The following LSS variants were observed in gnomAD, a reference collection of about 807,000 sequenced individuals.
The protein encoded by LSS is lanosterol synthase.
Under a neutral mutation model 110.3 loss-of-function variants are expected in LSS, and 90 were observed. The ratio of observed to expected loss-of-function variants is 0.82; its 90% confidence interval spans 0.69 to 0.97. The LOEUF (loss-of-function observed/expected upper bound fraction) is 0.97, where lower values mean the gene tolerates loss of function less well. LSS is among the 50% of genes least tolerant of loss of function. The pLI is 0.00. For missense variants in LSS, 927 were observed against 990.0 expected (o/e 0.94, Z 0.85); for synonymous variants, 433 against 400.0 (o/e 1.08, Z -0.98).
At chr21:46,192,871 A>C (rs766981750) in intron 20 of LSS, 1 of 362,372 alleles carries the variant, frequency 2.8e-6, no homozygotes, top group Non-Finnish European at 5.4e-6. Context: ...GCATCTGCAT[A>C]TGTGTGCACA....
chr21:46,192,590 A>G (rs376570991), intron 20 of LSS: 137 of 307,198 alleles, frequency 4.5e-4, no homozygotes, highest in Middle Eastern at 2.3e-3. Context: ...GTCTCCATGT[A>G]CGTATGTCTG....
chr21:46,197,876 C>T (rs1459470130), intron 17 of LSS, among the ~76,000 whole-genome samples: 2 of 150,486 alleles, frequency 1.3e-5, no homozygotes, highest in Non-Finnish European at 3.0e-5. Context: ...GAGACAGAGA[C>T]TCTGTCTCAA....
In LSS at chr21:46,213,764, A is replaced by G. The variant is rs1422520728; in HGVS notation, c.1083T>C (p.His361=). ...AGAGATAGTCCGGGATTCTGGAGAC[A>G]TGCTCCTGGAAGGCAGTGGAGGCGG... ...DGPASTAFQE[H]VSRIPDYLWM... The change falls in exon 10 of 22, where the codon CAT becomes CAC. Residue 361 remains histidine, a synonymous_variant. Coordinates refer to ENST00000397728, the MANE Select transcript of LSS (RefSeq NM_002340.6). 3 of 1,614,052 alleles carry G rather than the reference A, an allele frequency of 1.9e-6. No homozygotes were observed. Among genetic ancestry groups the G allele is most frequent in the East Asian group, 2.2e-5 (1 of 44,882 alleles).
At chr21:46,219,036 TC>T (rs1402233466) in intron 6 of LSS, among the ~76,000 whole-genome samples, 1 of 152,178 alleles carries the variant, frequency 6.6e-6, no homozygotes, top group Non-Finnish European at 1.5e-5. Flanking sequence ...CAGACACTGA[TC>T]TTTTAAAGGC....
chr21:46,208,980 G>C (rs78155037), intron 13 of LSS, among the ~76,000 whole-genome samples: 6,826 of 152,306 alleles, frequency 0.045, 218 homozygotes, highest in Non-Finnish European at 0.068. Context: ...CACTGGCTGA[G>C]GCCGTGGCCG....
At chr21:46,220,872 G>A (rs1462438461) in intron 5 of LSS, among the ~76,000 whole-genome samples, 1 of 150,600 alleles carries the variant, frequency 6.6e-6, no homozygotes, top group African/African-American at 2.4e-5. Flanking sequence ...GCCAGGGCTT[G>A]GAGAGAAAGA....
At position 46,195,773 on chromosome 21, in the gene LSS, A is replaced by G. The variant is rs777709261; in HGVS notation, c.1737-17T>C. The G allele has an allele frequency of 6.2e-7, 1 of 1,607,000 alleles. No individual in the cohort carries two copies. Among genetic ancestry groups the G allele is most frequent in the South Asian group, 1.1e-5 (1 of 90,920 alleles). On this transcript the variant is annotated splice_polypyrimidine_tract_variant and intron_variant, in intron 18 of 21. Coordinates refer to ENST00000397728, the MANE Select transcript of LSS (RefSeq NM_002340.6). ...CCCCAGGAGCTGGAGGGAAACAGGGAGAGCCTCAGCCCTTCCACCCTGTTC... is the reference window on the plus strand; with the variant it reads ...CCCCAGGAGCTGGAGGGAAACAGGGGGAGCCTCAGCCCTTCCACCCTGTTC...
At chr21:46,220,364 A>C (rs890134936) in intron 5 of LSS, 1 of 152,392 alleles carries the variant, frequency 6.6e-6, no homozygotes, top group South Asian at 2.1e-4. Flanking sequence ...CCAAGAAAGA[A>C]GGCAGGATCT....
intron 18 of LSS, 66 bp from the exon 19 acceptor site, chr21:46,195,822 G>T: frequency 1.5e-6 from 2 of 1,336,566 alleles, no homozygotes; most frequent in Non-Finnish European, 2.1e-6. Flanking sequence ...GAAACAACAC[G>T]CATTCTGCAA....
At chr21:46,205,156 G>C (rs978196991) in intron 17 of LSS, among the ~76,000 whole-genome samples, 1 of 152,204 alleles carries the variant, frequency 6.6e-6, no homozygotes, top group Non-Finnish European at 1.5e-5. Flanking sequence ...GTTCACAGTA[G>C]ATGCTTCATA....
intron 3 of LSS, among the ~76,000 whole-genome samples, chr21:46,223,880 C>T (rs972757100): frequency 2.6e-5 from 4 of 152,070 alleles, no homozygotes; most frequent in Non-Finnish European, 4.4e-5. Flanking sequence ...CTAGCGGTAG[C>T]GAAAAGTGTC....
At chr21:46,194,195 G>A (rs1393402257) in intron 20 of LSS, among the ~76,000 whole-genome samples, 1 of 152,176 alleles carries the variant, frequency 6.6e-6, no homozygotes. Context: ...AGCCCACCTC[G>A]CTGTTTCCAT....
intron 4 of LSS, 36 bp from the exon 5 acceptor site, chr21:46,222,011 T>C: frequency 6.2e-7 from 1 of 1,604,228 alleles, no homozygotes; most frequent in Middle Eastern, 1.7e-4. Flanking sequence ...AACCGGTATC[T>C]GTCCTTACTT....
Position 46,210,700 on chromosome 21 carries a change from C to T in LSS, c.1182G>A (p.Gln394=), listed in dbSNP as rs2080118094. 4 of 1,614,050 alleles carry T rather than the reference C, an allele frequency of 2.5e-6. No homozygotes were observed. The highest frequency in any genetic ancestry group is 3.4e-6 in the Non-Finnish European group (4 of 1,180,026). Residue 394 remains glutamine (Q), a synonymous_variant, in exon 12 of 22, where the codon CAG becomes CAA. Transcript: ENST00000397728. The stretch of plus-strand genomic sequence containing the variant: ...AGGAGCCACGAACCTCAAGCAGAGC[C>T]TGGATGGCGAATGCGGTGTCCCAGA... ...SQIWDTAFAI[Q]ALLEAGGHHR...
In LSS at chr21:46,209,642, G is replaced by C; in HGVS notation, c.1195-17C>G. 1 of 1,604,746 alleles carries C rather than the reference G, an allele frequency of 6.2e-7. No individual in the cohort carries two copies. The highest frequency in any genetic ancestry group is 8.5e-7 in the Non-Finnish European group (1 of 1,175,754). ...CCCGCCCGCCTGGAAGAGACAGCAG[G>C]ACAGAGAGGCTCAGCTGCCCTTGCA... is the stretch of plus-strand genomic sequence containing the variant. On this transcript the variant is annotated splice_polypyrimidine_tract_variant and intron_variant, in intron 12 of 21. Coordinates refer to ENST00000397728, the MANE Select transcript of LSS (RefSeq NM_002340.6). This position sits in a 1 kb window ranked among gnomAD's most constrained non-coding sequence, Gnocchi z 4.4.
rs1266570697 is a variant in LSS, at chr21:46,209,639, C to A, written c.1195-14G>T. 6.2e-7 allele frequency: 1 copy of A among 1,605,524 alleles called. No individual in the cohort carries two copies. ...GTGCCCGCCCGCCTGGAAGAGACAG[C>A]AGGACAGAGAGGCTCAGCTGCCCTT... On this transcript the variant is annotated splice_polypyrimidine_tract_variant and intron_variant, in intron 12 of 21. Coordinates refer to ENST00000397728, the MANE Select transcript of LSS (RefSeq NM_002340.6). This position sits in a 1 kb window ranked among gnomAD's most constrained non-coding sequence, Gnocchi z 4.4.
chr21:46,224,767 A>G (rs529201455), intron 3 of LSS: 2 of 152,274 alleles, frequency 1.3e-5, no homozygotes, highest in African/African-American at 4.8e-5. Flanking sequence ...AGCTGTCTAC[A>G]TAGCATCATG....
In LSS at chr21:46,188,476, G is replaced by A. The variant is rs1025445498; in HGVS notation, c.*2628C>T. ...CATGACTGATTTTTAATCACACTGAGGCAAATATCCCCCTCAGACAGAGGC... is the reference window on the plus strand; with the variant it reads ...CATGACTGATTTTTAATCACACTGAAGCAAATATCCCCCTCAGACAGAGGC... On this transcript the variant is annotated 3_prime_UTR_variant, in exon 22 of 22. Transcript: ENST00000397728. The A allele has an allele frequency of 6.3e-6, 2 of 317,710 alleles. No homozygotes were observed. The highest frequency in any genetic ancestry group is 1.3e-5 in the Non-Finnish European group (2 of 152,934). 19.7% of individuals were successfully genotyped at this position (317,710 alleles called of 1,614,324 possible).
Position 46,189,327 on chromosome 21 carries a change from C to T in LSS, c.*1777G>A, listed in dbSNP as rs187080789. On this transcript the variant is annotated 3_prime_UTR_variant, in exon 22 of 22. Coordinates refer to ENST00000397728, the MANE Select transcript of LSS (RefSeq NM_002340.6). ...TTCACTGTCTGTCCTGCTGCTACCC[C>T]ACGTGGGGGAGAACACGTGGGCTGA... 2.5e-3 allele frequency: 695 copies of T among 275,890 alleles called. 14 individuals are homozygous for T. The Admixed American group carries it at 0.031, about 12-fold the overall frequency. The allele number at this position is 275,890 out of a possible 1,614,324, so 17.1% of individuals were successfully genotyped here.
Sources: gnomAD v4.1 joint callset for allele counts (sites outside exome capture counted in the v4.1 genomes callset) on GRCh38, gnomAD v4.1.1 for gene constraint, Gnocchi (gnomAD v3.1) non-coding constraint, MANE v1.5 for transcripts, NCBI Gene and HGNC (gene_info 2026-07-23, HGNC 2026-07-21) for gene names.